The following MAST4 variants were observed in gnomAD, a reference collection of about 807,000 sequenced individuals.
MAST4 encodes microtubule-associated serine/threonine-protein kinase 4.
Under a neutral mutation model 162.7 loss-of-function variants are expected in MAST4, and 89 were observed. The observed-to-expected ratio is 0.55, with a 90% CI of 0.46 to 0.65. The LOEUF is 0.65. MAST4 is among the 30% of genes least tolerant of loss of function. The pLI is 0.00. For synonymous variants in MAST4, 1,479 were observed against 1,361.1 expected (o/e 1.09, Z -1.91); for missense variants, 3,153 against 3,374.0 (o/e 0.93, Z 1.62).
At chr5:67,155,534 C>G (rs887250198) in intron 26 of MAST4, among the ~76,000 whole-genome samples, 11 of 152,324 alleles carry the variant, frequency 7.2e-5, no homozygotes, top group African/African-American at 2.6e-4. Flanking sequence ...AAGAAACTTT[C>G]TTTTCAACCA....
At chr5:66,627,806 T>C (rs971819741) in intron 1 of MAST4, among the ~76,000 whole-genome samples, 2 of 152,176 alleles carry the variant, frequency 1.3e-5, no homozygotes, top group African/African-American at 4.8e-5. Flanking sequence ...GTCATGTGAC[T>C]GTGGGATCTT....
intron 1 of MAST4, among the ~76,000 whole-genome samples, chr5:66,609,727 TTTA>T (rs1743168475): frequency 6.7e-6 from 1 of 149,596 alleles, no homozygotes; most frequent in Non-Finnish European, 1.5e-5. Context: ...TTGTTTTGTT[TTTA>T]AAACAAAGGC....
Position 67,100,708 on chromosome 5 carries a change from C to A in MAST4, c.1070+116C>A, listed in dbSNP as rs1764932485. 22 of 1,191,572 alleles carry A rather than the reference C, an allele frequency of 1.8e-5. 1 individual carries two copies. Among genetic ancestry groups the A allele is most frequent in the Non-Finnish European group, 2.6e-5 (22 of 838,434 alleles). The allele number at this position is 1,191,572 out of a possible 1,614,324, so 73.8% of individuals were successfully genotyped here. Reference sequence around the variant, plus strand: ...GTGTTAACTGACTTGCAAACTATTACAAATATAGTGTGATGTTTCCATGTA... The same window carrying A: ...GTGTTAACTGACTTGCAAACTATTAAAAATATAGTGTGATGTTTCCATGTA... On this transcript the variant is annotated intron_variant, in intron 8 of 28. Coordinates refer to ENST00000403625, the MANE Select transcript of MAST4 (RefSeq NM_001164664.2).
At chr5:66,756,439 C>A (rs1429084053) in intron 1 of MAST4, among the ~76,000 whole-genome samples, 1 of 152,190 alleles carries the variant, frequency 6.6e-6, no homozygotes, top group African/African-American at 2.4e-5. Context: ...GTATCATGCC[C>A]AGGCTTAGAT....
chr5:66,655,874 A>G (rs1374611747), intron 1 of MAST4, among the ~76,000 whole-genome samples: 1 of 152,226 alleles, frequency 6.6e-6, no homozygotes, highest in Non-Finnish European at 1.5e-5. Context: ...CTGATGCAGA[A>G]CTTTTAATAT....
At chr5:66,959,119 C>T (rs961786236) in intron 4 of MAST4, 1 of 691,616 alleles carries the variant, frequency 1.4e-6, no homozygotes, top group East Asian at 2.6e-5. Flanking sequence ...CTTGCAGCCT[C>T]CCCCTCCCCC....
chr5:66,748,312 A>AG (rs906149500), intron 1 of MAST4, among the ~76,000 whole-genome samples: 1 of 151,958 alleles, frequency 6.6e-6, no homozygotes, highest in African/African-American at 2.4e-5. Context: ...TTCATAAGGA[A>AG]GGATGCTATG....
chr5:66,749,101 T>G (rs186211651), intron 1 of MAST4, among the ~76,000 whole-genome samples: 3 of 152,186 alleles, frequency 2.0e-5, no homozygotes, highest in East Asian at 3.9e-4. Flanking sequence ...GTAGCAGACA[T>G]CAGGCCAAGG....
intron 3 of MAST4, among the ~76,000 whole-genome samples, chr5:66,838,683 C>T (rs1561369806): frequency 2.6e-5 from 4 of 152,094 alleles, no homozygotes; most frequent in Non-Finnish European, 2.9e-5. Context: ...ATATTTCTGC[C>T]GGATGGTGAA....
At chr5:67,100,681 G>A in intron 8 of MAST4, 89 bp downstream of exon 8, 1 of 1,469,498 alleles carries the variant, frequency 6.8e-7, no homozygotes, top group South Asian at 1.2e-5. Flanking sequence ...TAGGTCATAT[G>A]TGTGTTAACT....
At chr5:66,897,739 C>G (rs1204163311) in intron 3 of MAST4, among the ~76,000 whole-genome samples, 4 of 152,140 alleles carry the variant, frequency 2.6e-5, no homozygotes, top group Non-Finnish European at 5.9e-5. Context: ...GCTGCCATCC[C>G]GTGGAGCAGC....
chr5:66,722,181 C>T (rs531511123), intron 1 of MAST4, among the ~76,000 whole-genome samples: 33 of 152,246 alleles, frequency 2.2e-4, no homozygotes, highest in Admixed American at 7.2e-4. Context: ...AAAATTCTTA[C>T]ATTTGACTTG....
chr5:66,926,575 T>TATAC lies in MAST4; in HGVS notation c.674+26594_674+26595insTACA, dbSNP rs1271599634. Among the ~76,000 whole-genome samples the TATAC allele has an allele frequency of 3.5e-4, 53 of 151,406 alleles. No individual in the cohort carries two copies. In the South Asian group the frequency reaches 5.0e-3, roughly 14 times the overall value. ...TTCTCTCTTTCTCTCTCTATATATA[T>TATAC]ACACACACACACACATATATGTATA... On this transcript the variant is annotated intron_variant, in intron 4 of 28. Transcript: ENST00000403625.
chr5:66,997,680 G>A (rs1048360225), intron 4 of MAST4, among the ~76,000 whole-genome samples: 7 of 152,080 alleles, frequency 4.6e-5, no homozygotes, highest in African/African-American at 1.4e-4. Context: ...TGCACCACCT[G>A]CCTCCCAAAG....
intron 2 of MAST4, 63 bp from the exon 3 acceptor site, chr5:66,788,607 C>CCAAGCCAAAAAAA: frequency 7.3e-7 from 1 of 1,373,728 alleles, no homozygotes; most frequent in Non-Finnish European, 1.0e-6. Flanking sequence ...CCCCCACCCC[C>CCAAGCCAAAAAAA]ATTGCAATAA....
At chr5:66,666,727 C>T (rs1249788337) in intron 1 of MAST4, among the ~76,000 whole-genome samples, 2 of 152,200 alleles carry the variant, frequency 1.3e-5, no homozygotes, top group South Asian at 2.1e-4. Flanking sequence ...ATTCATGCAG[C>T]TGTGACTTTA....
At chr5:67,090,327 G>GTCCCCCCTTCTCCCCC (rs1763698197) in intron 6 of MAST4, 96 bp downstream of exon 6, 1 of 523,024 alleles carries the variant, frequency 1.9e-6, no homozygotes. Context: ...ACTTCTTCCC[G>GTCCCCCCTTCTCCCCC]TCCCCACTTC....
intron 5 of MAST4, among the ~76,000 whole-genome samples, chr5:67,062,674 G>A (rs1759770469): frequency 6.6e-6 from 1 of 152,154 alleles, no homozygotes; most frequent in African/African-American, 2.4e-5. Flanking sequence ...GGTGCTCATG[G>A]AGTCATAACA....
chr5:67,139,448 T>C (rs1489533387), intron 19 of MAST4, among the ~76,000 whole-genome samples: 1 of 152,186 alleles, frequency 6.6e-6, no homozygotes. Context: ...TTTGAACTTG[T>C]AGAATATTGA....
Sources: gnomAD v4.1 joint callset for allele counts (sites outside exome capture counted in the v4.1 genomes callset) on GRCh38, gnomAD v4.1.1 for gene constraint, MANE v1.5 for transcripts, NCBI Gene and HGNC (gene_info 2026-07-23, HGNC 2026-07-21) for gene names.